CACNA2D3: variants seen among roughly 807,000 people sequenced by gnomAD.
CACNA2D3 encodes voltage-dependent calcium channel subunit alpha-2/delta-3.
In CACNA2D3, 60 loss-of-function variants were observed where a neutral mutation model predicts 160.6. The observed-to-expected ratio is 0.37, with a 90% CI of 0.30 to 0.46. CACNA2D3 has a LOEUF of 0.46. Among genes scored for constraint, CACNA2D3 ranks in the 20% least tolerant of loss-of-function variants. The probability of loss-of-function intolerance (pLI) is 1.00; values close to 1 mark genes in which losing one functional copy is unlikely to be tolerated. For synonymous variants in CACNA2D3, 558 were observed against 492.9 expected (o/e 1.13, Z -1.75); for missense variants, 1,205 against 1,365.0 (o/e 0.88, Z 1.85).
intron 20 of CACNA2D3, among the ~76,000 whole-genome samples, 195 bp from the exon 21 acceptor site, chr3:54,880,601 T>C (rs557428239): frequency 1.1e-4 from 16 of 152,286 alleles, no homozygotes; most frequent in Admixed American, 8.5e-4. Flanking sequence ...AGAAGTTACT[T>C]TGAAGCAGCT....
intron 35 of CACNA2D3, among the ~76,000 whole-genome samples, chr3:55,068,032 C>A (rs535927297): frequency 6.6e-6 from 1 of 152,330 alleles, no homozygotes; most frequent in South Asian, 2.1e-4. Context: ...CCCTTCCTTT[C>A]CCTTCCCTTG....
In CACNA2D3 at chr3:54,488,983, A is replaced by G. The variant is rs190090165; in HGVS notation, c.382-14509A>G. On this transcript the variant is annotated intron_variant, in intron 4 of 37. Transcript: ENST00000474759. ...TGTGTGAGCAGAAGGTGGAGCAGGT[A>G]TCCTGGGCAAGGGGACCAGCATGGA... 3.6e-4 allele frequency among the ~76,000 whole-genome samples: 55 copies of G among 152,324 alleles called. 1 individual carries two copies. The East Asian group carries it at 0.011, about 29-fold the overall frequency.
chr3:54,752,776 A>T, intron 12 of CACNA2D3, 99 bp downstream of exon 12: 1 of 849,196 alleles, frequency 1.2e-6, no homozygotes, highest in East Asian at 2.7e-5. Context: ...TAATTCTAAG[A>T]TAAAGTCTGG....
At chr3:54,219,630 C>A (rs924584469) in intron 2 of CACNA2D3, among the ~76,000 whole-genome samples, 1 of 152,066 alleles carries the variant, frequency 6.6e-6, no homozygotes, top group Non-Finnish European at 1.5e-5. Flanking sequence ...ACAAGGGACG[C>A]GTTACTTATG....
chr3:54,464,874 G>A (rs994727323), intron 4 of CACNA2D3, among the ~76,000 whole-genome samples: 2 of 152,180 alleles, frequency 1.3e-5, no homozygotes, highest in Non-Finnish European at 2.9e-5. Context: ...CGTCGCTTAC[G>A]CTGGGAGCTG....
chr3:54,284,420 T>A (rs968061252), intron 2 of CACNA2D3, among the ~76,000 whole-genome samples: 1 of 151,996 alleles, frequency 6.6e-6, no homozygotes, highest in Non-Finnish European at 1.5e-5. Context: ...GTATTTGTTA[T>A]ATTGACAAAT....
chr3:54,974,004 A>G (rs1009649787), intron 29 of CACNA2D3, among the ~76,000 whole-genome samples: 1 of 152,042 alleles, frequency 6.6e-6, no homozygotes, highest in African/African-American at 2.4e-5. Context: ...TCTCCCCACA[A>G]ATGAAGACAA....
intron 18 of CACNA2D3, chr3:54,875,790 T>G (rs1699644650): frequency 6.6e-6 from 1 of 152,144 alleles, no homozygotes; most frequent in Admixed American, 6.5e-5. Context: ...GGGGAAAGGG[T>G]GGTTCCCAGA....
At chr3:54,291,438 G>A (rs973345186) in intron 2 of CACNA2D3, among the ~76,000 whole-genome samples, 45 of 151,996 alleles carry the variant, frequency 3.0e-4, no homozygotes, top group Non-Finnish European at 1.0e-4. Flanking sequence ...CTGTTCCTTT[G>A]ATTTTCATTC....
At chr3:54,590,569 T>TA (rs898219100) in intron 9 of CACNA2D3, among the ~76,000 whole-genome samples, 2 of 151,402 alleles carry the variant, frequency 1.3e-5, no homozygotes, top group African/African-American at 4.9e-5. Flanking sequence ...CATTGAAGAA[T>TA]ACCAGGTAAA....
chr3:54,268,470 C>T (rs780074714), intron 2 of CACNA2D3, among the ~76,000 whole-genome samples: 22 of 152,222 alleles, frequency 1.4e-4, no homozygotes, highest in South Asian at 8.3e-4. Flanking sequence ...AGTGCAGTGG[C>T]GCAATGTTGG....
chr3:54,822,059 C>T (rs915349401), intron 14 of CACNA2D3, among the ~76,000 whole-genome samples: 1 of 152,090 alleles, frequency 6.6e-6, no homozygotes. Flanking sequence ...TGGTTTATGA[C>T]TCATTTGCTT....
At chr3:54,989,485 G>A (rs933127213) in intron 31 of CACNA2D3, among the ~76,000 whole-genome samples, 2 of 152,168 alleles carry the variant, frequency 1.3e-5, no homozygotes, top group African/African-American at 4.8e-5. Context: ...CTTCTTTGAC[G>A]GGCCTCCTCA....
chr3:54,308,094 T>C (rs1433277734), intron 2 of CACNA2D3, among the ~76,000 whole-genome samples: 1 of 152,204 alleles, frequency 6.6e-6, no homozygotes, highest in African/African-American at 2.4e-5. Flanking sequence ...CAACTATCCA[T>C]CTTGCAGATT....
intron 27 of CACNA2D3, among the ~76,000 whole-genome samples, chr3:54,936,323 T>G (rs1701327572): frequency 6.6e-6 from 1 of 152,202 alleles, no homozygotes; most frequent in South Asian, 2.1e-4. Flanking sequence ...ATTCTGCCCG[T>G]GGACAGAGCT....
At chr3:54,462,756 G>C (rs1323760232) in intron 4 of CACNA2D3, among the ~76,000 whole-genome samples, 1 of 152,062 alleles carries the variant, frequency 6.6e-6, no homozygotes. Context: ...CTTTTAATTG[G>C]AGCATTTAGT....
chr3:55,053,531 C>T (rs899265065), intron 35 of CACNA2D3, among the ~76,000 whole-genome samples: 1 of 151,880 alleles, frequency 6.6e-6, no homozygotes, highest in African/African-American at 2.4e-5. Context: ...TCAGATTTCT[C>T]TCTAAATCTG....
At chr3:54,137,929 T>C (rs1368024020) in intron 2 of CACNA2D3, among the ~76,000 whole-genome samples, 4 of 152,170 alleles carry the variant, frequency 2.6e-5, no homozygotes, top group Non-Finnish European at 5.9e-5. Context: ...TTCTGGGAGG[T>C]GCAGCATTGA....
At chr3:54,184,990 A>G (rs77807331) in intron 2 of CACNA2D3, among the ~76,000 whole-genome samples, 2 of 152,336 alleles carry the variant, frequency 1.3e-5, no homozygotes, top group Admixed American at 6.5e-5. Flanking sequence ...TGACTACCCC[A>G]AAGGTCTGAG....
Sources: gnomAD v4.1 joint callset for allele counts (sites outside exome capture counted in the v4.1 genomes callset) on GRCh38, gnomAD v4.1.1 for gene constraint, MANE v1.5 for transcripts, NCBI Gene and HGNC (gene_info 2026-07-23, HGNC 2026-07-21) for gene names.